MYH8: variants seen among roughly 807,000 people sequenced by gnomAD.
The protein encoded by MYH8 is myosin-8.
MYH8 carries 168 observed loss-of-function variants against 233.2 expected under a neutral mutation model. The ratio of observed to expected loss-of-function variants is 0.72; its 90% confidence interval spans 0.64 to 0.82. The LOEUF (loss-of-function observed/expected upper bound fraction) is 0.82, where lower values mean the gene tolerates loss of function less well. Among genes scored for constraint, MYH8 ranks in the 40% least tolerant of loss-of-function variants. The pLI is 0.00. For missense variants in MYH8, 1,995 were observed against 2,327.8 expected (o/e 0.86, Z 2.94); for synonymous variants, 785 against 850.6 (o/e 0.92, Z 1.34).
intron 23 of MYH8, 45 bp downstream of exon 23, chr17:10,401,498 T>C (rs760104234): frequency 6.2e-7 from 1 of 1,614,176 alleles, no homozygotes; most frequent in Admixed American, 1.7e-5. Flanking sequence ...AGCAATTTAG[T>C]TGGTGGCAGA....
chr17:10,417,838 C>G lies in MYH8; in HGVS notation c.511+807G>C, dbSNP rs1242552175. 6.6e-6 allele frequency among the ~76,000 whole-genome samples: 1 copy of G among 152,030 alleles called. No homozygotes were observed. Among genetic ancestry groups the G allele is most frequent in the Non-Finnish European group, 1.5e-5 (1 of 68,012 alleles). On this transcript the variant is annotated intron_variant, in intron 5 of 39. Transcript: ENST00000403437. This position sits in a 1 kb window ranked among gnomAD's most constrained non-coding sequence, Gnocchi z 4.1. ...TTATTCCTTCCTCTTTATTCTCCCC[C>G]TCGAAAAGACAATTTAAAAACAAGT...
chr17:10,421,070 G>C lies in MYH8; in HGVS notation c.-31+593C>G, dbSNP rs746610834. Among the ~76,000 whole-genome samples, 5 of 152,116 alleles carry C rather than the reference G, an allele frequency of 3.3e-5. No individual in the cohort carries two copies. In the East Asian group the frequency reaches 7.7e-4, roughly 23 times the overall value. ...GTAAGCCATTGTCTTCTGATTAATA[G>C]ATAGGCCTCTGCAATGTGGACATGT... On this transcript the variant is annotated intron_variant, in intron 2 of 39. Coordinates refer to ENST00000403437, the MANE Select transcript of MYH8 (RefSeq NM_002472.3).
At chr17:10,405,891 G>C in intron 21 of MYH8, 150 bp downstream of exon 21, 1 of 925,710 alleles carries the variant, frequency 1.1e-6, no homozygotes, top group South Asian at 1.5e-5. Context: ...AAGTGTGAGA[G>C]CTGAAGCAAA....
rs957981647 is a variant in MYH8 at position 10,415,431 on chromosome 17, A to C, written c.648+41T>G. Reference sequence around the variant, plus strand: ...TCACATCTGGGACTCCAGATGTCTGAGAGCCTTGACAGAGGTTTTGACTCT... The same window carrying C: ...TCACATCTGGGACTCCAGATGTCTGCGAGCCTTGACAGAGGTTTTGACTCT... On this transcript the variant is annotated intron_variant, in intron 7 of 39. Coordinates refer to ENST00000403437, the MANE Select transcript of MYH8 (RefSeq NM_002472.3). The surrounding 1 kb of genome is among the most constrained non-coding windows in gnomAD (Gnocchi z 4.1). 5 of 1,613,446 alleles carry C rather than the reference A, an allele frequency of 3.1e-6. No individual in the cohort carries two copies.
rs2072222408 is a variant in MYH8, at chr17:10,409,288, C to G, written c.1888G>C (p.Ala630Pro). 2 of 1,614,102 alleles carry G rather than the reference C, an allele frequency of 1.2e-6. No homozygotes were observed. Among genetic ancestry groups the G allele is most frequent in the African/African-American group, 1.3e-5 (1 of 74,938 alleles). ...LASLFSTYAS[A>P]EADSSAKKGA... ...AGGACACAGAAAGTACCTGCTTCAG[C>G]ACTAGCATACGTGGAAAAGAGACTG... is the stretch of plus-strand genomic sequence containing the variant. The change falls in exon 16 of 40, where the codon GCT becomes CCT. Residue 630 changes from alanine to proline, a missense_variant. Ala to Pro is a conservative substitution (Grantham distance 27, BLOSUM62 -1). This residue lies in a region of MYH8 where 1,498 missense variants were observed against 1,680.9 expected (regional missense o/e 0.89). Transcript: ENST00000403437.
In MYH8 at chr17:10,415,323, T is replaced by A; in HGVS notation, c.710A>T (p.Lys237Ile). The change falls in exon 8 of 40, where the codon AAA becomes ATA. Residue 237 changes from lysine (K) to isoleucine (I), a missense_variant. By Grantham distance (102) the Lys-to-Ile change is moderately radical. This residue lies in a region of MYH8 where 479 missense variants were observed against 600.9 expected (regional missense o/e 0.80). Transcript: ENST00000403437. The surrounding 1 kb of genome is among the most constrained non-coding windows in gnomAD (Gnocchi z 4.1). ...AGAGGAGTTGTCATTCCTCACAGTT[T>A]TGGCATTGCCAAAGGCCTCCAGTAG... ...NPLLEAFGNA[K>I]TVRNDNSSRF... 6.2e-7 allele frequency: 1 copy of A among 1,614,192 alleles called. No individual in the cohort carries two copies.
At chr17:10,408,853 A>G (rs1386739141) in intron 17 of MYH8, among the ~76,000 whole-genome samples, 1 of 152,204 alleles carries the variant, frequency 6.6e-6, no homozygotes, top group East Asian at 1.9e-4. Context: ...CAGCCTCATT[A>G]TATAATGAGA....
Position 10,415,780 on chromosome 17 carries a change from C to A in MYH8, c.512-72G>T, listed in dbSNP as rs2072285460. 1 of 1,499,958 alleles carries A rather than the reference C, an allele frequency of 6.7e-7. No homozygotes were observed. Among genetic ancestry groups the A allele is most frequent in the South Asian group, 1.2e-5 (1 of 84,212 alleles). 92.9% of individuals were successfully genotyped at this position (1,499,958 alleles called of 1,614,324 possible). The stretch of plus-strand genomic sequence containing the variant: ...TGAAGAGTATTGAATCAGTTCAGAT[C>A]AAACACAGCTTGTTCTTTTTAACTT... On this transcript the variant is annotated intron_variant, in intron 5 of 39. Transcript: ENST00000403437. This position sits in a 1 kb window ranked among gnomAD's most constrained non-coding sequence, Gnocchi z 4.1.
intron 23 of MYH8, 38 bp downstream of exon 23, chr17:10,401,505 C>A: frequency 6.2e-7 from 1 of 1,614,130 alleles, no homozygotes; most frequent in Non-Finnish European, 8.5e-7. Context: ...TAGTTGGTGG[C>A]AGAACCTCTA....
chr17:10,398,337 A>C (rs1003823260), intron 30 of MYH8, 107 bp downstream of exon 30: 3 of 1,510,352 alleles, frequency 2.0e-6, no homozygotes, highest in Non-Finnish European at 2.8e-6. Context: ...AATACTTGAC[A>C]CAGTATGCAC....
chr17:10,407,926 T>A (rs1309741397), intron 17 of MYH8, among the ~76,000 whole-genome samples: 1 of 151,720 alleles, frequency 6.6e-6, no homozygotes, highest in Non-Finnish European at 1.5e-5. Context: ...AGACTAGATA[T>A]ACTCTTAAGA....
In MYH8 at chr17:10,398,528, G is replaced by C. The variant is rs750262993; in HGVS notation, c.4094C>G (p.Ser1365Cys). The change falls in exon 30 of 40, where the codon TCC (serine) becomes TGC (cysteine). Residue 1365 changes from serine (S) to cysteine (C), a missense_variant. Transcript: ENST00000403437. ...EGKAELQRALSKANSEVAQWR... is the reference protein window; with the variant it reads ...EGKAELQRALCKANSEVAQWR... ...CTGGGCAACCTCACTGTTGGCCTTG[G>C]ACAGCGCCCTCTGCAGCTCAGCTTT... 1.3e-5 allele frequency: 21 copies of C among 1,614,042 alleles called. No homozygotes were observed. Among genetic ancestry groups the C allele is most frequent in the Non-Finnish European group, 1.7e-5 (20 of 1,180,012 alleles).
chr17:10,390,515 G>T lies in MYH8; in HGVS notation c.5753C>A (p.Ser1918Tyr). The change falls in exon 40 of 40, where the codon TCC (serine) becomes TAC (tyrosine). Residue 1918 changes from serine (S) to tyrosine (Y), a missense_variant. Physicochemically the swap from Ser to Tyr is moderately radical, Grantham distance 144 (BLOSUM62 -2). This residue lies in a region of MYH8 where 1,498 missense variants were observed against 1,680.9 expected (regional missense o/e 0.89). Coordinates refer to ENST00000403437, the MANE Select transcript of MYH8 (RefSeq NM_002472.3). ...EAEERADIAE[S>Y]QVNKLRVKSR... The stretch of plus-strand genomic sequence containing the variant: ...CTTCACTCGCAATTTGTTGACCTGG[G>T]ACTCAGCAATGTCAGCCCGTTCCTC... 6.2e-7 allele frequency: 1 copy of T among 1,614,152 alleles called. No homozygotes were observed. Among genetic ancestry groups the T allele is most frequent in the East Asian group, 2.2e-5 (1 of 44,888 alleles).
Position 10,415,160 on chromosome 17 carries a change from T to C in MYH8, c.761A>G (p.His254Arg). The C allele has an allele frequency of 6.2e-7, 1 of 1,613,310 alleles. No homozygotes were observed. The highest frequency in any genetic ancestry group is 8.5e-7 in the Non-Finnish European group (1 of 1,179,228). Residue 254 changes from histidine to arginine, a missense_variant, in exon 9 of 40, where the codon CAC (histidine) becomes CGC (arginine). Physicochemically the swap from His to Arg is conservative, Grantham distance 29. Transcript: ENST00000403437. This position sits in a 1 kb window ranked among gnomAD's most constrained non-coding sequence, Gnocchi z 4.1. The part of the protein sequence containing the change: ...SSRFGKFIRI[H>R]FGTTGKLASA... Reference sequence around the variant, plus strand: ...TGCCAGCTTCCCTGTAGTACCAAAGTGGATTCTAATGAATTTACCCTTGAA... The same window carrying C: ...TGCCAGCTTCCCTGTAGTACCAAAGCGGATTCTAATGAATTTACCCTTGAA...
At position 10,416,134 on chromosome 17, in the gene MYH8, G is replaced by A. The variant is rs538464750; in HGVS notation, c.512-426C>T. ...TCTCCTACTCCTCCCATTCCCTGGC[G>A]CCCACCATTCTACTTTCTGCCTCTG... On this transcript the variant is annotated intron_variant, in intron 5 of 39. Coordinates refer to ENST00000403437, the MANE Select transcript of MYH8 (RefSeq NM_002472.3). 2.3e-4 allele frequency among the ~76,000 whole-genome samples: 35 copies of A among 152,018 alleles called. No individual in the cohort carries two copies. The South Asian group carries it at 5.8e-3, about 25-fold the overall frequency.
rs1480470715 is a variant in MYH8 at position 10,400,505 on chromosome 17, C to G, written c.3620G>C (p.Gly1207Ala). Residue 1207 changes from glycine (G) to alanine (A), a missense_variant, in exon 27 of 40, where the codon GGG becomes GCG. Coordinates refer to ENST00000403437, the MANE Select transcript of MYH8 (RefSeq NM_002472.3). This position sits in a 1 kb window ranked among gnomAD's most constrained non-coding sequence, Gnocchi z 4.0. ...KKHADSMAEL[G>A]EQIDNLQRVK... The stretch of plus-strand genomic sequence containing the variant: ...CCGCTGCAAGTTGTCAATCTGCTCC[C>G]CAAGCTCAGCCATACTGTCTGCGTG... The G allele has an allele frequency of 1.2e-6, 2 of 1,614,056 alleles. No individual in the cohort carries two copies. The highest frequency in any genetic ancestry group is 1.7e-6 in the Non-Finnish European group (2 of 1,180,038).
At chr17:10,412,284 G>C in intron 14 of MYH8, 86 bp downstream of exon 14, 1 of 1,612,828 alleles carries the variant, frequency 6.2e-7, no homozygotes, top group South Asian at 1.1e-5. Context: ...TAATATGGAC[G>C]CTATAAATGT....
chr17:10,412,443 T>C lies in MYH8; in HGVS notation c.1343A>G (p.Gln448Arg). The change falls in exon 14 of 40, where the codon CAG (glutamine) becomes CGG (arginine). Residue 448 changes from glutamine (Q) to arginine (R), a missense_variant. Coordinates refer to ENST00000403437, the MANE Select transcript of MYH8 (RefSeq NM_002472.3). The stretch of plus-strand genomic sequence containing the variant: ...CCTGGGCTGCTTGGTGTCCAGCTGC[T>C]GGTTGATGCGGGTGACCATCCACAG... ...MFLWMVTRIN[Q>R]QLDTKQPRQY... The C allele has an allele frequency of 6.2e-7, 1 of 1,614,262 alleles. No individual in the cohort carries two copies. The highest frequency in any genetic ancestry group is 8.5e-7 in the Non-Finnish European group (1 of 1,180,044).
chr17:10,405,917 G>A, intron 21 of MYH8, 124 bp downstream of exon 21: 1 of 1,184,968 alleles, frequency 8.4e-7, no homozygotes, highest in Non-Finnish European at 1.2e-6. Flanking sequence ...CTGTGTTGTA[G>A]GAGTGAGTTC....
Sources: allele counts gnomAD v4.1 joint callset (sites outside exome capture counted in the v4.1 genomes callset), GRCh38; gene constraint gnomAD v4.1.1; regional missense constraint gnomAD v4.1.1; non-coding constraint Gnocchi (gnomAD v3.1); transcripts MANE v1.5; gene names NCBI Gene and HGNC (gene_info 2026-07-23, HGNC 2026-07-21).